Variants in MPPED2 observed in about 807,000 individuals in gnomAD.
MPPED2 encodes metallophosphoesterase domain containing 2, also known as metallophosphoesterase MPPED2.
MPPED2 carries 5 observed loss-of-function variants against 33.0 expected under a neutral mutation model. The ratio of observed to expected loss-of-function variants is 0.15; its 90% CI spans 0.08 to 0.32. The LOEUF (loss-of-function observed/expected upper bound fraction) is 0.32, where lower values mean the gene tolerates loss of function less well. Ranked by LOEUF, MPPED2 falls within the 10% of genes least tolerant of loss-of-function variation. The pLI, the probability that MPPED2 is intolerant of heterozygous loss-of-function variation, is 1.00. For synonymous variants in MPPED2, 136 were observed against 141.9 expected, an observed-to-expected ratio of 0.96 and a Z score of 0.29; for missense variants, 275 against 372.1, an observed-to-expected ratio of 0.74 and a Z score of 2.15.
chr11:30,465,874 A>G (rs1383832849), intron 4 of MPPED2, among the ~76,000 whole-genome samples: 2 of 152,314 alleles, frequency 1.3e-5, no homozygotes, highest in East Asian at 3.9e-4. Context: ...TTGAGTATAC[A>G]TGGGGGTCCT....
At position 30,410,574 on chromosome 11, in the gene MPPED2, C is replaced by G. The variant is rs1948067383; in HGVS notation, c.*894G>C. 2.9e-5 allele frequency: 29 copies of G among 985,746 alleles called. No individual in the cohort carries two copies. The South Asian group carries it at 1.2e-3, about 40-fold the overall frequency. 61.1% of individuals were successfully genotyped at this position (985,746 alleles called of 1,614,324 possible). ...ACTGTACCTAGATTTAACTCAAGCTCTTTAAGACCTTGAGCTCTGAGAGAA... is the reference window on the plus strand; with the variant it reads ...ACTGTACCTAGATTTAACTCAAGCTGTTTAAGACCTTGAGCTCTGAGAGAA... On this transcript the variant is annotated 3_prime_UTR_variant, in exon 7 of 7. Coordinates refer to ENST00000358117, the MANE Select transcript of MPPED2 (RefSeq NM_001584.3).
chr11:30,512,738 C>T (rs998343124), intron 3 of MPPED2, among the ~76,000 whole-genome samples: 4 of 152,178 alleles, frequency 2.6e-5, no homozygotes, highest in African/African-American at 4.8e-5. Flanking sequence ...CAGTGGCTCA[C>T]GCCTATAATC....
intron 3 of MPPED2, among the ~76,000 whole-genome samples, chr11:30,508,840 A>G (rs1475157726): frequency 1.3e-5 from 2 of 152,198 alleles, no homozygotes; most frequent in African/African-American, 4.8e-5. Flanking sequence ...AAGTGCTTGC[A>G]GTTCACAGAA....
At chr11:30,448,273 G>A (rs1229733965) in intron 4 of MPPED2, among the ~76,000 whole-genome samples, 1 of 152,208 alleles carries the variant, frequency 6.6e-6, no homozygotes, top group Non-Finnish European at 1.5e-5. Context: ...CTGTTGTGGG[G>A]AGGGAGCCAT....
At chr11:30,561,011 C>T (rs1211188481) in intron 2 of MPPED2, among the ~76,000 whole-genome samples, 2 of 152,132 alleles carry the variant, frequency 1.3e-5, no homozygotes, top group Admixed American at 6.6e-5. Flanking sequence ...TGTGAGTAAT[C>T]GTTAGCTGAG....
intron 2 of MPPED2, among the ~76,000 whole-genome samples, chr11:30,550,875 A>G (rs890913733): frequency 1.3e-5 from 2 of 152,188 alleles, no homozygotes; most frequent in Non-Finnish European, 2.9e-5. Flanking sequence ...AACTTGTTCT[A>G]TGCAAACTGG....
At chr11:30,558,619 G>A (rs567560938) in intron 2 of MPPED2, among the ~76,000 whole-genome samples, 3 of 150,004 alleles carry the variant, frequency 2.0e-5, no homozygotes, top group African/African-American at 7.4e-5. Context: ...ACAGGGTCTT[G>A]CTATGTTGCC....
intron 2 of MPPED2, among the ~76,000 whole-genome samples, chr11:30,546,840 T>C: frequency 6.6e-6 from 1 of 152,224 alleles, no homozygotes; most frequent in South Asian, 2.1e-4. Context: ...TTCAATACAA[T>C]AATTATTAGA....
At chr11:30,412,038 T>C (rs1300515424) in intron 6 of MPPED2, among the ~76,000 whole-genome samples, 4 of 151,926 alleles carry the variant, frequency 2.6e-5, no homozygotes, top group Non-Finnish European at 1.5e-5. Flanking sequence ...GGATACTGCA[T>C]TGAGAGTTAA....
intron 2 of MPPED2, among the ~76,000 whole-genome samples, chr11:30,543,342 C>T (rs1013587234): frequency 6.6e-6 from 1 of 152,148 alleles, no homozygotes; most frequent in Non-Finnish European, 1.5e-5. Context: ...TGTGTTCTTA[C>T]TACATATATC....
At chr11:30,455,857 G>A (rs1413997465) in intron 4 of MPPED2, among the ~76,000 whole-genome samples, 1 of 152,212 alleles carries the variant, frequency 6.6e-6, no homozygotes, top group South Asian at 2.1e-4. Context: ...TGCAGCACTC[G>A]TTAACCTGAC....
intron 2 of MPPED2, among the ~76,000 whole-genome samples, chr11:30,556,094 C>G (rs1251978341): frequency 6.6e-6 from 1 of 152,194 alleles, no homozygotes; most frequent in African/African-American, 2.4e-5. Context: ...ATTTGCCACT[C>G]TCTCCTGCAT....
chr11:30,519,004 G>A (rs1247015581), intron 3 of MPPED2, among the ~76,000 whole-genome samples: 1 of 152,140 alleles, frequency 6.6e-6, no homozygotes, highest in African/African-American at 2.4e-5. Context: ...TTCAGGGCCA[G>A]GCATGGTGGC....
chr11:30,447,917 G>T (rs1429751322), intron 4 of MPPED2, among the ~76,000 whole-genome samples: 1 of 152,144 alleles, frequency 6.6e-6, no homozygotes, highest in Non-Finnish European at 1.5e-5. Context: ...CCTTAAGAAT[G>T]TGAAGAAAGC....
chr11:30,395,297 G>T (rs1038748759), intron 6 of MPPED2, among the ~76,000 whole-genome samples: 1 of 152,102 alleles, frequency 6.6e-6, no homozygotes, highest in Non-Finnish European at 1.5e-5. Context: ...TATATTCCAG[G>T]TCAGTACTAT....
chr11:30,583,152 T>TTTTTTTTTTTTTC (rs1957264333), intron 1 of MPPED2, among the ~76,000 whole-genome samples: 1 of 88,184 alleles, frequency 1.1e-5, no homozygotes, highest in Non-Finnish European at 2.5e-5. Flanking sequence ...TTTTTTTTTT[T>TTTTTTTTTTTTTC]TTTTTTTTTT....
chr11:30,480,896 C>G (rs1329528392), intron 4 of MPPED2, among the ~76,000 whole-genome samples: 1 of 152,032 alleles, frequency 6.6e-6, no homozygotes, highest in East Asian at 1.9e-4. Flanking sequence ...AGCCCACACT[C>G]TATCTCCACA....
chr11:30,491,120 C>T (rs1010512667), intron 4 of MPPED2, among the ~76,000 whole-genome samples: 53 of 152,282 alleles, frequency 3.5e-4, no homozygotes, highest in African/African-American at 1.3e-3. Flanking sequence ...ATGTGTAAAT[C>T]TCAGAGATGG....
At chr11:30,438,570 C>A (rs769182709) in intron 4 of MPPED2, among the ~76,000 whole-genome samples, 4 of 152,258 alleles carry the variant, frequency 2.6e-5, no homozygotes, top group Admixed American at 6.5e-5. Flanking sequence ...AAAAAATAGG[C>A]GGGGCCAGGG....
Sources: gnomAD v4.1 joint callset for allele counts (sites outside exome capture counted in the v4.1 genomes callset) on GRCh38, gnomAD v4.1.1 for gene constraint, MANE v1.5 for transcripts, NCBI Gene and HGNC (gene_info 2026-07-23, HGNC 2026-07-21) for gene names.